The following SLC25A21 variants were observed in gnomAD, a reference collection of about 807,000 sequenced individuals.
SLC25A21 encodes solute carrier family 25 member 21.
Under a neutral mutation model 43.8 loss-of-function variants are expected in SLC25A21, and 47 were observed. That is an observed-to-expected ratio of 1.07 (90% confidence interval 0.85 to 1.37). The LOEUF (loss-of-function observed/expected upper bound fraction) is 1.37, where lower values mean the gene tolerates loss of function less well. SLC25A21 is among the 40% of genes most tolerant of loss of function. The pLI, the probability that SLC25A21 is intolerant of heterozygous loss-of-function variation, is 0.00. For missense variants in SLC25A21, 352 were observed against 350.2 expected, an observed-to-expected ratio of 1.00 and a Z score of -0.04; for synonymous variants, 131 against 121.3, an observed-to-expected ratio of 1.08 and a Z score of -0.52.
chr14:36,923,576 T>C (rs1402686179), intron 1 of SLC25A21, among the ~76,000 whole-genome samples: 2 of 152,130 alleles, frequency 1.3e-5, no homozygotes, highest in Admixed American at 1.3e-4. Flanking sequence ...ATAGACTTTT[T>C]AAAGCAAAGA....
intron 1 of SLC25A21, among the ~76,000 whole-genome samples, chr14:36,927,031 G>A (rs534629118): frequency 1.3e-5 from 2 of 152,044 alleles, no homozygotes; most frequent in Non-Finnish European, 2.9e-5. Flanking sequence ...TCAGCCAGGC[G>A]TGGTCGTGTG....
Position 36,940,732 on chromosome 14 carries a change from T to C in SLC25A21, c.71-65728A>G, listed in dbSNP as rs375223906. Among the ~76,000 whole-genome samples the C allele has an allele frequency of 1.2e-4, 19 of 152,240 alleles. No homozygotes were observed. The East Asian group carries it at 2.5e-3, about 20-fold the overall frequency. On this transcript the variant is annotated intron_variant, in intron 1 of 9. Coordinates refer to ENST00000331299, the MANE Select transcript of SLC25A21 (RefSeq NM_030631.4). ...TTGAACTTCACAGCAACAAAGAATT[T>C]CAGACTTTCAGATGACCATCTTTGA... is the stretch of plus-strand genomic sequence containing the variant.
intron 1 of SLC25A21, among the ~76,000 whole-genome samples, chr14:36,889,400 G>C (rs754695945): frequency 3.9e-5 from 6 of 152,064 alleles, no homozygotes; most frequent in Non-Finnish European, 8.8e-5. Flanking sequence ...GAAATACAAA[G>C]GTAGATACAT....
At chr14:36,760,492 C>T (rs952059312) in intron 3 of SLC25A21, among the ~76,000 whole-genome samples, 14 of 152,038 alleles carry the variant, frequency 9.2e-5, no homozygotes, top group Non-Finnish European at 1.6e-4. Flanking sequence ...CTGACCAAGG[C>T]CTCTCAAATT....
intron 1 of SLC25A21, among the ~76,000 whole-genome samples, chr14:37,144,354 T>C (rs1250835221): frequency 2.0e-5 from 3 of 152,252 alleles, no homozygotes; most frequent in African/African-American, 7.2e-5. Context: ...CAGAAGTTAC[T>C]ATGAATGATA....
chr14:37,082,148 AG>A (rs1665974080), intron 1 of SLC25A21, among the ~76,000 whole-genome samples: 2 of 152,200 alleles, frequency 1.3e-5, no homozygotes, highest in Non-Finnish European at 2.9e-5. Flanking sequence ...AACCAAATGC[AG>A]CATGTTCTCA....
chr14:37,171,015 G>A (rs1406388603), intron 1 of SLC25A21, among the ~76,000 whole-genome samples: 1 of 150,870 alleles, frequency 6.6e-6, no homozygotes, highest in Non-Finnish European at 1.5e-5. Context: ...GCTTGAACCC[G>A]GGAGTTGGAG....
At chr14:36,982,430 C>T (rs529938129) in intron 1 of SLC25A21, among the ~76,000 whole-genome samples, 2 of 152,230 alleles carry the variant, frequency 1.3e-5, no homozygotes, top group East Asian at 1.9e-4. Context: ...GGCTCGCACA[C>T]ATGGAACAAA....
At chr14:36,800,745 A>AT (rs1298910965) in intron 3 of SLC25A21, among the ~76,000 whole-genome samples, 34 of 152,238 alleles carry the variant, frequency 2.2e-4, no homozygotes, top group African/African-American at 7.5e-4. Context: ...TATGTTATGT[A>AT]TATTTTACCC....
At chr14:36,885,888 C>G (rs1243495134) in intron 1 of SLC25A21, among the ~76,000 whole-genome samples, 1 of 152,160 alleles carries the variant, frequency 6.6e-6, no homozygotes, top group Admixed American at 6.5e-5. Context: ...GTACTACTGC[C>G]ACTTCCTTGA....
At chr14:36,711,944 C>T (rs1458865921) in intron 6 of SLC25A21, among the ~76,000 whole-genome samples, 2 of 152,132 alleles carry the variant, frequency 1.3e-5, no homozygotes, top group Non-Finnish European at 2.9e-5. Context: ...AGTTTTGATT[C>T]AATTGCCTCA....
intron 1 of SLC25A21, among the ~76,000 whole-genome samples, chr14:36,932,524 T>G (rs1235741422): frequency 6.6e-6 from 1 of 152,168 alleles, no homozygotes; most frequent in African/African-American, 2.4e-5. Flanking sequence ...GTGCCTACTA[T>G]GTGCTGGGCA....
chr14:36,856,864 A>G (rs1394945028), intron 2 of SLC25A21, among the ~76,000 whole-genome samples: 1 of 152,198 alleles, frequency 6.6e-6, no homozygotes, highest in Non-Finnish European at 1.5e-5. Flanking sequence ...AATGAGAGCT[A>G]TGGTTGACAT....
intron 1 of SLC25A21, among the ~76,000 whole-genome samples, chr14:37,171,698 G>A (rs1964132915): frequency 6.6e-6 from 1 of 152,042 alleles, no homozygotes; most frequent in Non-Finnish European, 1.5e-5. Flanking sequence ...TTTCCCCACA[G>A]CATAACTCTA....
chr14:36,967,924 C>T (rs1278416520), intron 1 of SLC25A21, among the ~76,000 whole-genome samples: 1 of 152,144 alleles, frequency 6.6e-6, no homozygotes, highest in Non-Finnish European at 1.5e-5. Context: ...CAAATGGTCA[C>T]CCAAACGAGT....
chr14:37,052,312 T>C (rs35215132), intron 1 of SLC25A21, among the ~76,000 whole-genome samples: 73,632 of 151,704 alleles, frequency 0.49, 20,893 homozygotes, highest in African/African-American at 0.8. Context: ...ACTTTAGGCC[T>C]GTAGGTCCAA....
At chr14:37,145,442 T>TACACACACAC (rs779746223) in intron 1 of SLC25A21, among the ~76,000 whole-genome samples, 1 of 145,248 alleles carries the variant, frequency 6.9e-6, no homozygotes, top group Admixed American at 7.0e-5. Flanking sequence ...AATACTAAAA[T>TACACACACAC]ACACACACAC....
chr14:36,857,766 G>A (rs563837811), intron 2 of SLC25A21, among the ~76,000 whole-genome samples: 5 of 152,306 alleles, frequency 3.3e-5, no homozygotes, highest in Admixed American at 3.3e-4. Flanking sequence ...CCTAGGAGAG[G>A]GGCATTGGCA....
At chr14:37,058,768 G>GATAC (rs1961883930) in intron 1 of SLC25A21, among the ~76,000 whole-genome samples, 1 of 152,194 alleles carries the variant, frequency 6.6e-6, no homozygotes, top group African/African-American at 2.4e-5. Context: ...AAGTTCTGCT[G>GATAC]AGGCTGATAC....
Sources: gnomAD v4.1 joint callset for allele counts (sites outside exome capture counted in the v4.1 genomes callset) on GRCh38, gnomAD v4.1.1 for gene constraint, MANE v1.5 for transcripts, NCBI Gene and HGNC (gene_info 2026-07-23, HGNC 2026-07-21) for gene names.